LRRC37A2: variants seen among roughly 807,000 people sequenced by gnomAD.
LRRC37A2 encodes the protein leucine-rich repeat-containing protein 37A2.
LRRC37A2 carries 9 observed loss-of-function variants against 68.8 expected under a neutral mutation model. The observed-to-expected ratio is 0.13, with a 90% CI of 0.08 to 0.23. The LOEUF is 0.23. Ranked by LOEUF, LRRC37A2 falls within the 10% of genes least tolerant of loss-of-function variation. The probability of loss-of-function intolerance (pLI) is 1.00; values close to 1 mark genes in which losing one functional copy is unlikely to be tolerated. For missense variants in LRRC37A2, 168 were observed against 950.4 expected, an observed-to-expected ratio of 0.18 and a Z score of 10.82; for synonymous variants, 63 against 367.6, an observed-to-expected ratio of 0.17 and a Z score of 9.48.
chr17:46,882,043 C>T, the LRRC37A2 span, among the ~76,000 whole-genome samples: 18 of 152,154 alleles, frequency 1.2e-4, no homozygotes, highest in Non-Finnish European at 2.6e-4. Flanking sequence ...ATAATCCCAG[C>T]GATTGGAGAG....
chr17:46,941,165 A>C, the LRRC37A2 span: 2 of 1,006,848 alleles, frequency 2.0e-6, no homozygotes, highest in African/African-American at 1.7e-5. Flanking sequence ...CATTTACTTC[A>C]GGGGGACCAC....
chr17:46,994,402 G>T, the LRRC37A2 span, among the ~76,000 whole-genome samples: 2 of 151,466 alleles, frequency 1.3e-5, no homozygotes, highest in African/African-American at 4.8e-5. Flanking sequence ...AAAGAAAAAT[G>T]CTGGTGGGGG....
At chr17:46,764,330 CAT>C in the LRRC37A2 span, 3 of 152,546 alleles carry the variant, frequency 2.0e-5, no homozygotes, top group Non-Finnish European at 4.4e-5. Context: ...TTTTCTTTAA[CAT>C]GTGCAAAGAT....
At chr17:46,492,530 T>C in the LRRC37A2 span, among the ~76,000 whole-genome samples, 1 of 150,246 alleles carries the variant, frequency 6.7e-6, no homozygotes, top group East Asian at 1.9e-4. Context: ...CTTGAGTAAA[T>C]ACCTAGGAGT....
chr17:46,662,109 T>C, the LRRC37A2 span, among the ~76,000 whole-genome samples: 145 of 51,950 alleles, frequency 2.8e-3, no homozygotes, highest in Non-Finnish European at 3.2e-3. Flanking sequence ...TCCCAAAGTG[T>C]TGGGATTACA....
At chr17:46,936,671 A>G in the LRRC37A2 span, 1 of 985,208 alleles carries the variant, frequency 1.0e-6, no homozygotes, top group South Asian at 4.7e-5. Context: ...GGTCATTTTC[A>G]AGTGATTTAG....
intron 6 of LRRC37A2, among the ~76,000 whole-genome samples, chr17:46,534,724 C>T (rs796400491): frequency 7.3e-5 from 11 of 150,080 alleles, no homozygotes; most frequent in Admixed American, 1.3e-4. Context: ...ACCTCCCAGA[C>T]GGGGTGGCGG....
chr17:46,548,587 A>G (rs1465662644), exon 10 of LRRC37A2: 1 of 1,580,298 alleles, frequency 6.3e-7, no homozygotes, highest in African/African-American at 1.6e-5. Flanking sequence ...CACAGGAAAC[A>G]GCCTGGCAAA....
At chr17:46,838,541 C>T in the LRRC37A2 span, among the ~76,000 whole-genome samples, 3 of 151,962 alleles carry the variant, frequency 2.0e-5, no homozygotes, top group East Asian at 1.9e-4. Context: ...GCAGGAGGAT[C>T]GCTTGAGCCT....
At chr17:46,878,409 C>G in the LRRC37A2 span, among the ~76,000 whole-genome samples, 1 of 152,206 alleles carries the variant, frequency 6.6e-6, no homozygotes, top group African/African-American at 2.4e-5. Context: ...TGCCCAGTCT[C>G]CAGTGGATCA....
At chr17:46,981,196 G>T in the LRRC37A2 span, among the ~76,000 whole-genome samples, 5 of 152,218 alleles carry the variant, frequency 3.3e-5, no homozygotes, top group Non-Finnish European at 7.3e-5. Context: ...TTGGAGTGAA[G>T]GGATTCGGGA....
the LRRC37A2 span, among the ~76,000 whole-genome samples, chr17:46,755,020 A>T: frequency 6.6e-6 from 1 of 152,250 alleles, no homozygotes; most frequent in African/African-American, 2.4e-5. Context: ...TCTCACAGCG[A>T]TGCCTCACAG....
At chr17:46,864,156 C>G in the LRRC37A2 span, among the ~76,000 whole-genome samples, 1 of 152,196 alleles carries the variant, frequency 6.6e-6, no homozygotes, top group South Asian at 2.1e-4. Context: ...AGGGTGCATT[C>G]AAGAACCTGT....
the LRRC37A2 span, among the ~76,000 whole-genome samples, chr17:46,709,595 A>G: frequency 1.3e-5 from 2 of 151,944 alleles, no homozygotes; most frequent in Admixed American, 6.6e-5. Context: ...CCCGGGTTCA[A>G]GCAATTCTCC....
chr17:46,978,497 C>A, the LRRC37A2 span: 1 of 916,928 alleles, frequency 1.1e-6, no homozygotes, highest in Non-Finnish European at 1.6e-6. Context: ...GCGCCCCCGC[C>A]GACAGTCTCG....
the LRRC37A2 span, among the ~76,000 whole-genome samples, chr17:46,828,071 C>G: frequency 1.3e-5 from 2 of 152,092 alleles, no homozygotes; most frequent in African/African-American, 4.8e-5. Flanking sequence ...CATGATCCGC[C>G]CACCTCGGCC....
intron 2 of LRRC37A2, among the ~76,000 whole-genome samples, chr17:46,516,197 G>A (rs2051273680): frequency 1.3e-5 from 2 of 148,276 alleles, no homozygotes; most frequent in Admixed American, 1.4e-4. Flanking sequence ...CAGCTACTCG[G>A]GAGGCTGAGG....
chr17:46,631,516 CT>C, the LRRC37A2 span, among the ~76,000 whole-genome samples: 1 of 121,112 alleles, frequency 8.3e-6, no homozygotes, highest in Non-Finnish European at 1.6e-5. Flanking sequence ...TTAGCTTTTT[CT>C]TTGTGGAAGT....
the LRRC37A2 span, among the ~76,000 whole-genome samples, chr17:46,836,095 C>CGTGTGTGTGT: frequency 0.03 from 3,823 of 126,442 alleles, 149 homozygotes; most frequent in East Asian, 0.13. Flanking sequence ...GAGACGCTGA[C>CGTGTGTGTGT]GTGTGTGTGT....
Sources: gnomAD v4.1 joint callset for allele counts (sites outside exome capture counted in the v4.1 genomes callset) on GRCh38, gnomAD v4.1.1 for gene constraint, MANE v1.5 for transcripts, NCBI Gene and HGNC (gene_info 2026-07-23, HGNC 2026-07-21) for gene names.